The following SLC10A7 variants were observed in gnomAD, a reference collection of about 807,000 sequenced individuals.
SLC10A7 encodes sodium/bile acid cotransporter 7.
A neutral mutation model predicts 43.2 loss-of-function variants in SLC10A7; 29 were observed. That is an observed-to-expected ratio of 0.67 (90% confidence interval 0.50 to 0.92). SLC10A7 has a LOEUF of 0.92. Ranked by LOEUF, SLC10A7 falls within the 40% of genes least tolerant of loss-of-function variation. The probability of loss-of-function intolerance (pLI) is 0.00; values close to 1 mark genes in which losing one functional copy is unlikely to be tolerated. For missense variants in SLC10A7, 295 were observed against 403.2 expected, an observed-to-expected ratio of 0.73 and a Z score of 2.30; for synonymous variants, 152 against 144.8, an observed-to-expected ratio of 1.05 and a Z score of -0.35.
intron 10 of SLC10A7, among the ~76,000 whole-genome samples, chr4:146,268,024 T>G (rs528451676): frequency 3.3e-5 from 5 of 152,134 alleles, no homozygotes; most frequent in African/African-American, 7.2e-5. Context: ...GGGTGGCATA[T>G]GAGGGAAAGG....
At chr4:146,430,122 G>GA (rs201199733) in intron 5 of SLC10A7, among the ~76,000 whole-genome samples, 14 of 148,914 alleles carry the variant, frequency 9.4e-5, no homozygotes, top group Admixed American at 2.7e-4. Flanking sequence ...AGCCATAAAA[G>GA]AAAAAAAAAT....
intron 5 of SLC10A7, among the ~76,000 whole-genome samples, chr4:146,427,841 A>G (rs1428088487): frequency 6.6e-6 from 1 of 152,150 alleles, no homozygotes; most frequent in African/African-American, 2.4e-5. Flanking sequence ...GCCTGTTCTC[A>G]AAAATACAGA....
intron 5 of SLC10A7, among the ~76,000 whole-genome samples, chr4:146,432,550 T>C (rs1729855625): frequency 6.6e-6 from 1 of 151,630 alleles, no homozygotes; most frequent in African/African-American, 2.4e-5. Flanking sequence ...AAGGCAAAAG[T>C]ATAGAGAAAG....
In SLC10A7 at chr4:146,517,809, C is replaced by T. The variant is rs568222362; in HGVS notation, c.101-689G>A. On this transcript the variant is annotated intron_variant, in intron 1 of 11. Coordinates refer to ENST00000335472, the MANE Select transcript of SLC10A7 (RefSeq NM_001029998.6). ...GAATCAATGGAAGAAGTTCCCTTCT[C>T]TTTAGCAAATATTATTTCATTTCTT... Among the ~76,000 whole-genome samples, 605 of 152,296 alleles carry T rather than the reference C, an allele frequency of 4.0e-3. 2 individuals carry two copies. Among genetic ancestry groups the T allele is most frequent in the African/African-American group, 0.014 (568 of 41,558 alleles).
At chr4:146,300,050 G>A (rs903870779) in intron 7 of SLC10A7, among the ~76,000 whole-genome samples, 1 of 152,184 alleles carries the variant, frequency 6.6e-6, no homozygotes, top group Non-Finnish European at 1.5e-5. Context: ...GGGAGAAAGA[G>A]TGAAGGAGTT....
chr4:146,431,912 C>G (rs1579170494), intron 5 of SLC10A7, among the ~76,000 whole-genome samples: 1 of 152,152 alleles, frequency 6.6e-6, no homozygotes, highest in African/African-American at 2.4e-5. Context: ...TGACTGGTGT[C>G]CAAAACATAC....
At chr4:146,516,164 T>A (rs1193913357) in intron 2 of SLC10A7, among the ~76,000 whole-genome samples, 4 of 152,066 alleles carry the variant, frequency 2.6e-5, no homozygotes, top group African/African-American at 9.7e-5. Flanking sequence ...GATAGTCCCA[T>A]CTATATAAGA....
intron 5 of SLC10A7, among the ~76,000 whole-genome samples, chr4:146,377,572 C>A (rs1325776341): frequency 3.3e-5 from 5 of 152,200 alleles, no homozygotes; most frequent in Non-Finnish European, 7.3e-5. Context: ...TCTCCCATCT[C>A]ATTATCACTC....
chr4:146,262,707 T>A (rs1431625245), intron 10 of SLC10A7, among the ~76,000 whole-genome samples: 1 of 152,206 alleles, frequency 6.6e-6, no homozygotes, highest in South Asian at 2.1e-4. Flanking sequence ...CATAACTTAC[T>A]GGGCACATGG....
chr4:146,271,981 C>G (rs1487324884), intron 10 of SLC10A7, among the ~76,000 whole-genome samples: 1 of 152,172 alleles, frequency 6.6e-6, no homozygotes, highest in East Asian at 1.9e-4. Context: ...TTCTTTTTCT[C>G]CATTGCTTAC....
At chr4:146,339,263 C>T (rs776021620) in intron 5 of SLC10A7, among the ~76,000 whole-genome samples, 1 of 151,940 alleles carries the variant, frequency 6.6e-6, no homozygotes, top group Non-Finnish European at 1.5e-5. Flanking sequence ...ATAGGTTTGG[C>T]ATAGCTCATC....
intron 5 of SLC10A7, among the ~76,000 whole-genome samples, chr4:146,426,710 T>C (rs1387387399): frequency 6.6e-6 from 1 of 151,962 alleles, no homozygotes; most frequent in East Asian, 1.9e-4. Flanking sequence ...CCCGTCTCTA[T>C]TAAAAAATAC....
chr4:146,510,082 G>A (rs1737311867), intron 2 of SLC10A7, 33 bp from the exon 3 acceptor site: 5 of 1,571,422 alleles, frequency 3.2e-6, no homozygotes, highest in Admixed American at 1.9e-5. Flanking sequence ...ATAAACAAAG[G>A]TAAGAAAACT....
At chr4:146,356,067 T>C (rs1275861605) in intron 5 of SLC10A7, among the ~76,000 whole-genome samples, 13 of 143,354 alleles carry the variant, frequency 9.1e-5, no homozygotes, top group African/African-American at 1.8e-4. Flanking sequence ...TATATATATA[T>C]ACATATATAT....
intron 4 of SLC10A7, among the ~76,000 whole-genome samples, chr4:146,485,228 G>A (rs192305657): frequency 6.6e-6 from 1 of 152,324 alleles, no homozygotes. Context: ...TGTGACTAGA[G>A]ATTTTTTAGT....
chr4:146,471,648 G>A (rs562391012), intron 4 of SLC10A7, among the ~76,000 whole-genome samples: 5 of 152,146 alleles, frequency 3.3e-5, no homozygotes, highest in African/African-American at 9.6e-5. Context: ...ATTAAATATC[G>A]TCATTATGGC....
At chr4:146,497,013 G>A (rs1735961512) in intron 4 of SLC10A7, among the ~76,000 whole-genome samples, 1 of 152,142 alleles carries the variant, frequency 6.6e-6, no homozygotes, top group African/African-American at 2.4e-5. Context: ...TTTAAACTGT[G>A]TATATGTGTT....
intron 9 of SLC10A7, among the ~76,000 whole-genome samples, chr4:146,287,965 T>C (rs1207830917): frequency 1.3e-5 from 2 of 152,228 alleles, no homozygotes; most frequent in African/African-American, 4.8e-5. Flanking sequence ...CGCTGGCTGC[T>C]GCTCACTAGA....
rs575778356 is a variant in SLC10A7, at chr4:146,273,518, G to A, written c.847+9674C>T. ...GTTAAAATAACTATCTCGAAGGGTG[G>A]TTAGAGGTTTCAAGTGAGACAGTGT... On this transcript the variant is annotated intron_variant, in intron 10 of 11. Coordinates refer to ENST00000335472, the MANE Select transcript of SLC10A7 (RefSeq NM_001029998.6). 2.0e-5 allele frequency among the ~76,000 whole-genome samples: 3 copies of A among 152,242 alleles called. 1 individual carries two copies. In the South Asian group the frequency reaches 6.2e-4, roughly 32 times the overall value.
Sources: allele counts gnomAD v4.1 joint callset (sites outside exome capture counted in the v4.1 genomes callset), GRCh38; gene constraint gnomAD v4.1.1; transcripts MANE v1.5; gene names NCBI Gene and HGNC (gene_info 2026-07-23, HGNC 2026-07-21).